The following PTPRD variants were observed in gnomAD, a reference collection of about 807,000 sequenced individuals.
The protein encoded by PTPRD is receptor-type tyrosine-protein phosphatase delta.
A neutral mutation model predicts 214.5 loss-of-function variants in PTPRD; 34 were observed. The ratio of observed to expected loss-of-function variants is 0.16; its 90% confidence interval spans 0.12 to 0.21. The LOEUF is 0.21. PTPRD is among the 10% of genes least tolerant of loss of function. The pLI is 1.00. For missense variants in PTPRD, 2,545 were observed against 2,398.7 expected (o/e 1.06, Z -1.27); for synonymous variants, 1,128 against 845.7 (o/e 1.33, Z -5.79).
intron 9 of PTPRD, among the ~76,000 whole-genome samples, chr9:9,394,045 A>G (rs1331817523): frequency 6.6e-6 from 1 of 152,148 alleles, no homozygotes; most frequent in African/African-American, 2.4e-5. Flanking sequence ...AACCATACAT[A>G]CACACAAAAC....
intron 3 of PTPRD, among the ~76,000 whole-genome samples, chr9:10,069,512 G>A (rs1181362830): frequency 1.3e-5 from 2 of 151,874 alleles, no homozygotes; most frequent in Admixed American, 6.6e-5. Flanking sequence ...GTTGCTCCCA[G>A]GATTTCTCTA....
At chr9:8,702,974 T>G (rs1168769643) in intron 12 of PTPRD, among the ~76,000 whole-genome samples, 1 of 152,196 alleles carries the variant, frequency 6.6e-6, no homozygotes, top group Non-Finnish European at 1.5e-5. Context: ...GAGTTAGCAC[T>G]ACTGAATCAA....
chr9:10,262,609 C>G (rs1175943042), intron 3 of PTPRD, among the ~76,000 whole-genome samples: 1 of 152,196 alleles, frequency 6.6e-6, no homozygotes, highest in Non-Finnish European at 1.5e-5. Context: ...GACATTGGTA[C>G]TGCAAAGCAG....
intron 8 of PTPRD, among the ~76,000 whole-genome samples, chr9:9,469,920 T>C (rs937608847): frequency 1.8e-4 from 27 of 152,262 alleles, no homozygotes; most frequent in African/African-American, 5.8e-4. Flanking sequence ...TCTCAGGCTA[T>C]GGGGAACATT....
At chr9:9,649,377 G>C (rs1459922792) in intron 7 of PTPRD, among the ~76,000 whole-genome samples, 1 of 152,038 alleles carries the variant, frequency 6.6e-6, no homozygotes, top group Non-Finnish European at 1.5e-5. Context: ...CAAAATCAGA[G>C]AAAAATTTGA....
rs2065670499 is a variant in PTPRD, at chr9:9,872,295, C to T, written c.-368+66212G>A. ...TGTCACCCTGGGCAAGTGATTTGCC[C>T]TCACAGTCCCTCAATTTCCTCCACA... On this transcript the variant is annotated intron_variant, in intron 5 of 45. Transcript: ENST00000381196. 2.0e-5 allele frequency among the ~76,000 whole-genome samples: 3 copies of T among 152,122 alleles called. No homozygotes were observed. In the South Asian group the frequency reaches 6.2e-4, roughly 31 times the overall value.
At chr9:8,847,857 T>C (rs1365792184) in intron 11 of PTPRD, among the ~76,000 whole-genome samples, 1 of 152,130 alleles carries the variant, frequency 6.6e-6, no homozygotes, top group African/African-American at 2.4e-5. Context: ...CAAAAGTTTC[T>C]CAGATAAAAT....
intron 8 of PTPRD, among the ~76,000 whole-genome samples, chr9:9,406,391 G>A (rs2073367837): frequency 6.6e-6 from 1 of 151,856 alleles, no homozygotes; most frequent in South Asian, 2.1e-4. Flanking sequence ...AAAGAATTAA[G>A]AAAGTAAGAG....
chr9:9,043,207 C>A (rs2099648418), intron 10 of PTPRD, among the ~76,000 whole-genome samples: 1 of 152,252 alleles, frequency 6.6e-6, no homozygotes, highest in East Asian at 1.9e-4. Context: ...GCTCTGGCAT[C>A]ATTCTGTGTT....
intron 11 of PTPRD, among the ~76,000 whole-genome samples, chr9:8,767,907 A>C (rs1293549665): frequency 6.6e-6 from 1 of 152,208 alleles, no homozygotes; most frequent in Non-Finnish European, 1.5e-5. Context: ...ATGAAAAAGG[A>C]AACATATATA....
chr9:8,634,637 A>AGGATTTATTTTATTTTTTTTTTC (rs2096370396), intron 13 of PTPRD, among the ~76,000 whole-genome samples: 1 of 152,084 alleles, frequency 6.6e-6, no homozygotes, highest in Non-Finnish European at 1.5e-5. Flanking sequence ...AAATAAATCT[A>AGGATTTATTTTATTTTTTTTTTC]CTATGCATCT....
intron 9 of PTPRD, among the ~76,000 whole-genome samples, chr9:9,375,505 A>G (rs900251216): frequency 5.3e-5 from 8 of 152,154 alleles, no homozygotes; most frequent in African/African-American, 1.7e-4. Flanking sequence ...CTGAGGCAGA[A>G]GAATCACTTG....
chr9:10,597,743 G>A (rs1203727274), intron 2 of PTPRD, among the ~76,000 whole-genome samples: 1 of 151,738 alleles, frequency 6.6e-6, no homozygotes, highest in African/African-American at 2.4e-5. Context: ...CTACACTTCA[G>A]AATTAATTGA....
chr9:8,452,677 T>C (rs918335841), intron 33 of PTPRD, among the ~76,000 whole-genome samples: 2 of 150,584 alleles, frequency 1.3e-5, no homozygotes, highest in African/African-American at 2.5e-5. Flanking sequence ...AGGAGTTATG[T>C]AGGTGAAAAG....
intron 2 of PTPRD, among the ~76,000 whole-genome samples, chr9:10,472,005 G>T (rs932932052): frequency 6.6e-6 from 1 of 151,982 alleles, no homozygotes; most frequent in Admixed American, 6.6e-5. Context: ...ACACATGTGA[G>T]TTTAAATTCA....
At chr9:10,144,443 C>T (rs548663564) in intron 3 of PTPRD, among the ~76,000 whole-genome samples, 3 of 152,164 alleles carry the variant, frequency 2.0e-5, no homozygotes, top group African/African-American at 7.2e-5. Context: ...ATTTCAGTAC[C>T]CAGGAACTTG....
chr9:10,598,389 G>C (rs1280647232), intron 2 of PTPRD, among the ~76,000 whole-genome samples: 1 of 151,708 alleles, frequency 6.6e-6, no homozygotes, highest in East Asian at 1.9e-4. Context: ...AGCAAATGCA[G>C]ATACAGCAGC....
chr9:10,139,686 C>A (rs1450012051), intron 3 of PTPRD, among the ~76,000 whole-genome samples: 3 of 151,978 alleles, frequency 2.0e-5, no homozygotes, highest in Admixed American at 6.6e-5. Context: ...AGGACAAAAA[C>A]CAGACACACT....
At chr9:8,520,647 C>T (rs2097870154) in intron 20 of PTPRD, among the ~76,000 whole-genome samples, 1 of 152,052 alleles carries the variant, frequency 6.6e-6, no homozygotes, top group East Asian at 1.9e-4. Flanking sequence ...TACTCTTTCT[C>T]TTTAGTTCAA....
Sources: allele counts gnomAD v4.1 joint callset (sites outside exome capture counted in the v4.1 genomes callset), GRCh38; gene constraint gnomAD v4.1.1; transcripts MANE v1.5; gene names NCBI Gene and HGNC (gene_info 2026-07-23, HGNC 2026-07-21).